MACROH2A2: variants seen among roughly 807,000 people sequenced by gnomAD.
MACROH2A2 encodes the protein macroH2A.2 histone.
MACROH2A2 carries 6 observed loss-of-function variants against 37.6 expected under a neutral mutation model. That is an observed-to-expected ratio of 0.16 (90% CI 0.09 to 0.32). MACROH2A2 has a LOEUF of 0.32. Among genes scored for constraint, MACROH2A2 ranks in the 10% least tolerant of loss-of-function variants. MACROH2A2 has a pLI of 1.00. For synonymous variants in MACROH2A2, 192 were observed against 202.7 expected (o/e 0.95, Z 0.45); for missense variants, 290 against 485.9 (o/e 0.60, Z 3.79).
intron 2 of MACROH2A2, among the ~76,000 whole-genome samples, chr10:70,085,439 T>C (rs1320881366): frequency 2.6e-5 from 4 of 152,094 alleles, no homozygotes; most frequent in Non-Finnish European, 5.9e-5. Flanking sequence ...CCAGGGACAC[T>C]GCCAAGCAGT....
chr10:70,091,691 A>T, intron 3 of MACROH2A2, 66 bp from the exon 4 acceptor site: 6 of 1,043,868 alleles, frequency 5.7e-6, no homozygotes, highest in South Asian at 1.5e-5. Flanking sequence ...AAAAAAAAAA[A>T]GAACTGTATG....
chr10:70,057,717 T>G (rs929473339), intron 1 of MACROH2A2, among the ~76,000 whole-genome samples: 3 of 152,220 alleles, frequency 2.0e-5, no homozygotes, highest in Admixed American at 6.5e-5. Context: ...AATGTCAGAC[T>G]GCATTTCATG....
chr10:70,059,662 C>T (rs552221559), intron 1 of MACROH2A2, among the ~76,000 whole-genome samples: 16 of 152,258 alleles, frequency 1.1e-4, no homozygotes, highest in African/African-American at 2.4e-4. Flanking sequence ...TGAGCCACCG[C>T]GCCTGGCCTC....
At position 70,091,856 on chromosome 10, in the gene MACROH2A2, A is replaced by G; in HGVS notation, c.379A>G (p.Ile127Val). 6.2e-7 allele frequency: 1 copy of G among 1,613,964 alleles called. No homozygotes were observed. The highest frequency in any genetic ancestry group is 8.5e-7 in the Non-Finnish European group (1 of 1,179,972). Reference protein sequence around the residue: ...KRGTKGKSETILSPPPEKRGR... With the variant: ...KRGTKGKSETVLSPPPEKRGR... ...AGGGACCAAAGGCAAGTCGGAAACG[A>G]TCCTCTCCCCACCCCCAGAGAAAAG... The change falls in exon 4 of 9, where the codon ATC becomes GTC. Residue 127 changes from isoleucine to valine, a missense_variant. Coordinates refer to ENST00000373255, the MANE Select transcript of MACROH2A2 (RefSeq NM_018649.3).
At chr10:70,054,221 C>T (rs1210400246) in intron 1 of MACROH2A2, among the ~76,000 whole-genome samples, 1 of 152,220 alleles carries the variant, frequency 6.6e-6, no homozygotes, top group Non-Finnish European at 1.5e-5. Context: ...GGCAACGGCC[C>T]TGGATGAGTG....
At chr10:70,084,339 A>T (rs938292760) in intron 2 of MACROH2A2, among the ~76,000 whole-genome samples, 5 of 152,236 alleles carry the variant, frequency 3.3e-5, no homozygotes, top group Non-Finnish European at 7.3e-5. Context: ...TGTATTTATT[A>T]TGAGAATTTC....
At chr10:70,060,405 C>A (rs1323228616) in intron 1 of MACROH2A2, among the ~76,000 whole-genome samples, 1 of 151,748 alleles carries the variant, frequency 6.6e-6, no homozygotes, top group Non-Finnish European at 1.5e-5. Flanking sequence ...GGACAGACAG[C>A]AAGAAAAAAT....
At position 70,075,637 on chromosome 10, in the gene MACROH2A2, C is replaced by G; in HGVS notation, c.-22C>G. On this transcript the variant is annotated 5_prime_UTR_variant, in exon 2 of 9. Transcript: ENST00000373255. The surrounding 1 kb of genome is among the most constrained non-coding windows in gnomAD (Gnocchi z 5.0). ...GCCGGGAGGCCACTGTGTCAGCAAG[C>G]TGAGAGGGAAACTGAAGCAAGATGT... 6.2e-7 allele frequency: 1 copy of G among 1,612,934 alleles called. No individual in the cohort carries two copies.
Position 70,100,303 on chromosome 10 carries a change from TGTGGAACTAG to T in MACROH2A2, c.778+8_778+17del, listed in dbSNP as rs1380658778. 6.5e-7 allele frequency: 1 copy of T among 1,542,896 alleles called. No individual in the cohort carries two copies. The highest frequency in any genetic ancestry group is 2.3e-5 in the East Asian group (1 of 44,440). On this transcript the variant is annotated splice_region_variant and intron_variant, in intron 7 of 8. Transcript: ENST00000373255. ...CCCTTTGGAAGTCGCCGAAGGTAAG[TGTGGAACTAG>T]GCTCCTGTCACCAGCATGGCCTCAC...
intron 2 of MACROH2A2, among the ~76,000 whole-genome samples, chr10:70,076,729 A>G (rs1168944011): frequency 6.6e-6 from 1 of 152,140 alleles, no homozygotes; most frequent in Non-Finnish European, 1.5e-5. Context: ...TTAAAAAGCA[A>G]ACCTCCCCAG....
intron 2 of MACROH2A2, among the ~76,000 whole-genome samples, chr10:70,076,737 C>T (rs1421945321): frequency 6.6e-6 from 1 of 152,096 alleles, no homozygotes; most frequent in African/African-American, 2.4e-5. Context: ...CAAACCTCCC[C>T]AGATGGTCTA....
chr10:70,096,691 A>G (rs2072278516), intron 6 of MACROH2A2, among the ~76,000 whole-genome samples: 1 of 152,232 alleles, frequency 6.6e-6, no homozygotes, highest in Non-Finnish European at 1.5e-5. Flanking sequence ...AAAGTGAGCA[A>G]AGAAGGGGCT....
chr10:70,054,184 G>C (rs1415098754), intron 1 of MACROH2A2, among the ~76,000 whole-genome samples: 1 of 152,266 alleles, frequency 6.6e-6, no homozygotes, highest in East Asian at 1.9e-4. Flanking sequence ...GGGCCTGACT[G>C]AGGCCTGGTC....
In MACROH2A2 at chr10:70,108,742, A is replaced by G. The variant is rs138064879; in HGVS notation, c.779-291A>G. Among the ~76,000 whole-genome samples the G allele has an allele frequency of 3.4e-3, 514 of 152,312 alleles. 3 individuals carry two copies. Among genetic ancestry groups the G allele is most frequent in the African/African-American group, 0.012 (493 of 41,558 alleles). On this transcript the variant is annotated intron_variant, in intron 7 of 8. Coordinates refer to ENST00000373255, the MANE Select transcript of MACROH2A2 (RefSeq NM_018649.3). Reference sequence around the variant, plus strand: ...ATCTGATGTGTCCCTTTAACTAGGAACCATTGTGAGGAGGTAGCCCAACCC... The same window carrying G: ...ATCTGATGTGTCCCTTTAACTAGGAGCCATTGTGAGGAGGTAGCCCAACCC...
rs74139260 is a variant in MACROH2A2, at chr10:70,074,125, G to C, written c.-59-1475G>C. Among the ~76,000 whole-genome samples the C allele has an allele frequency of 9.6e-3, 1,457 of 152,302 alleles. 23 individuals are homozygous for C. Among genetic ancestry groups the C allele is most frequent in the African/African-American group, 0.033 (1,371 of 41,546 alleles). On this transcript the variant is annotated intron_variant, in intron 1 of 8. Coordinates refer to ENST00000373255, the MANE Select transcript of MACROH2A2 (RefSeq NM_018649.3). ...TTCCATTTGTCGGTTACGGTACCCT[G>C]TCAACCAGCAGACCAAGCCTACCCA...
chr10:70,069,746 C>T (rs995491711), intron 1 of MACROH2A2, among the ~76,000 whole-genome samples: 6 of 151,964 alleles, frequency 3.9e-5, no homozygotes, highest in African/African-American at 1.5e-4. Flanking sequence ...CAAATTTTCA[C>T]CTTGCAATGG....
intron 2 of MACROH2A2, among the ~76,000 whole-genome samples, chr10:70,089,244 G>A (rs1449123862): frequency 6.6e-6 from 1 of 152,240 alleles, no homozygotes; most frequent in Non-Finnish European, 1.5e-5. Flanking sequence ...GCAGGATTCT[G>A]TATTGGTCAG....
chr10:70,070,999 ATGTG>A (rs60976509), intron 1 of MACROH2A2, among the ~76,000 whole-genome samples: 21 of 149,004 alleles, frequency 1.4e-4, no homozygotes, highest in Non-Finnish European at 2.5e-4. Context: ...GTGCATGTGC[ATGTG>A]TGTGTGTGTG....
In MACROH2A2 at chr10:70,075,773, T is replaced by C; in HGVS notation, c.115T>C (p.Tyr39His). Residue 39 changes from tyrosine (Y) to histidine (H), a missense_variant, in exon 2 of 9, where the codon TAC becomes CAC. This residue lies in a region of MACROH2A2 where 83 missense variants were observed against 159.9 expected (regional missense o/e 0.52). Transcript: ENST00000373255. This position sits in a 1 kb window ranked among gnomAD's most constrained non-coding sequence, Gnocchi z 5.0. ...TTATCTGAAGAAAGGGACGTTCAAGTACCGGATCAGCGTGGGCGCCCCTGT... is the reference window on the plus strand; with the variant it reads ...TTATCTGAAGAAAGGGACGTTCAAGCACCGGATCAGCGTGGGCGCCCCTGT... ...MRYLKKGTFKYRISVGAPVYM... is the reference protein window; with the variant it reads ...MRYLKKGTFKHRISVGAPVYM... 1 of 1,614,078 alleles carries C rather than the reference T, an allele frequency of 6.2e-7. No individual in the cohort carries two copies. The highest frequency in any genetic ancestry group is 8.5e-7 in the Non-Finnish European group (1 of 1,179,992).
Sources: allele counts gnomAD v4.1 joint callset (sites outside exome capture counted in the v4.1 genomes callset), GRCh38; gene constraint gnomAD v4.1.1; regional missense constraint gnomAD v4.1.1; non-coding constraint Gnocchi (gnomAD v3.1); transcripts MANE v1.5; gene names NCBI Gene and HGNC (gene_info 2026-07-23, HGNC 2026-07-21).